Variants in CLEC16A observed in about 807,000 individuals in gnomAD.
CLEC16A encodes protein CLEC16A.
A neutral mutation model predicts 109.5 loss-of-function variants in CLEC16A; 51 were observed. That is an observed-to-expected ratio of 0.47 (90% confidence interval 0.37 to 0.59). The LOEUF is 0.59. CLEC16A is among the 20% of genes least tolerant of loss of function. CLEC16A has a pLI of 0.00. For missense variants in CLEC16A, 1,339 were observed against 1,394.0 expected (o/e 0.96, Z 0.63); for synonymous variants, 673 against 564.2 (o/e 1.19, Z -2.73).
rs201982739 is a variant in CLEC16A, at chr16:11,166,404, G to T, written c.2658G>T (p.Gln886His). The T allele has an allele frequency of 6.2e-7, 1 of 1,603,104 alleles. No individual in the cohort carries two copies. Among genetic ancestry groups the T allele is most frequent in the Non-Finnish European group, 8.5e-7 (1 of 1,178,626 alleles). The stretch of plus-strand genomic sequence containing the variant: ...GTCTTGCAGGCTTCGCCGTGGCCCA[G>T]TGCATAAACCAGCACAGCTCCCCGT... Reference protein sequence around the residue: ...VDKVPGFAVAQCINQHSSPSL... With the variant: ...VDKVPGFAVAHCINQHSSPSL... Residue 886 changes from glutamine (Q) to histidine (H), a missense_variant, in exon 23 of 24, where the codon CAG becomes CAT. Physicochemically the swap from Gln to His is conservative, Grantham distance 24. Coordinates refer to ENST00000409790, the MANE Select transcript of CLEC16A (RefSeq NM_015226.3).
chr16:10,996,475 C>T (rs2044334483), intron 10 of CLEC16A, among the ~76,000 whole-genome samples: 1 of 152,216 alleles, frequency 6.6e-6, no homozygotes, highest in African/African-American at 2.4e-5. Flanking sequence ...GAGCTGGCTC[C>T]TCCTGGGCTC....
At chr16:11,132,733 C>G (rs918012186) in intron 22 of CLEC16A, among the ~76,000 whole-genome samples, 1 of 152,130 alleles carries the variant, frequency 6.6e-6, no homozygotes, top group African/African-American at 2.4e-5. Context: ...AGGCACTTGG[C>G]CAGGGGGTGG....
intron 19 of CLEC16A, among the ~76,000 whole-genome samples, chr16:11,077,932 A>G (rs944002351): frequency 7.3e-5 from 11 of 151,376 alleles, no homozygotes; most frequent in African/African-American, 2.4e-4. Flanking sequence ...AGCCTGGCCA[A>G]CATGGTGAAA....
intron 11 of CLEC16A, among the ~76,000 whole-genome samples, chr16:11,008,186 C>G (rs181253708): frequency 5.3e-5 from 8 of 152,276 alleles, no homozygotes; most frequent in Admixed American, 3.9e-4. Flanking sequence ...GCATCTTTCC[C>G]CTTAGCCTTC....
intron 11 of CLEC16A, among the ~76,000 whole-genome samples, chr16:11,007,259 G>A (rs1037779053): frequency 6.6e-6 from 1 of 152,204 alleles, no homozygotes; most frequent in African/African-American, 2.4e-5. Flanking sequence ...CTTTGAACCT[G>A]CCAGGTTAGC....
intron 6 of CLEC16A, 59 bp from the exon 7 acceptor site, chr16:10,972,877 TAA>T: frequency 6.6e-7 from 1 of 1,507,370 alleles, no homozygotes; most frequent in Non-Finnish European, 8.9e-7. Flanking sequence ...GTTTTTTTTT[TAA>T]TCTTCCCCAA....
At chr16:11,147,204 C>G (rs2054099732) in intron 22 of CLEC16A, among the ~76,000 whole-genome samples, 2 of 152,150 alleles carry the variant, frequency 1.3e-5, no homozygotes, top group Admixed American at 6.5e-5. Flanking sequence ...TTTGGCTAGG[C>G]ACAGAATTCC....
At chr16:11,125,296 A>C (rs1258051391) in intron 21 of CLEC16A, among the ~76,000 whole-genome samples, 1 of 151,990 alleles carries the variant, frequency 6.6e-6, no homozygotes, top group African/African-American at 2.4e-5. Context: ...TTATTTTCAG[A>C]GAGTTTTTTT....
intron 22 of CLEC16A, chr16:11,136,384 G>A (rs2053564008): frequency 1.3e-5 from 2 of 152,176 alleles, no homozygotes; most frequent in South Asian, 2.1e-4. Flanking sequence ...GACATAAAAT[G>A]AGTTCATTCA....
Position 11,178,312 on chromosome 16 carries a change from C to A in CLEC16A, c.2807-23C>A. 6.3e-7 allele frequency: 1 copy of A among 1,582,686 alleles called. No individual in the cohort carries two copies. The highest frequency in any genetic ancestry group is 1.1e-5 in the South Asian group (1 of 87,750). On this transcript the variant is annotated intron_variant, in intron 23 of 23. Coordinates refer to ENST00000409790, the MANE Select transcript of CLEC16A (RefSeq NM_015226.3). The surrounding 1 kb of genome is among the most constrained non-coding windows in gnomAD (Gnocchi z 6.5). ...GGTGTCTCAAGGGCTCAGTGTGTTT[C>A]CGGTTTTTCTCCCCCAATCCAGATG...
chr16:11,138,549 G>A (rs1276100740), intron 22 of CLEC16A, among the ~76,000 whole-genome samples: 7 of 152,184 alleles, frequency 4.6e-5, no homozygotes, highest in Non-Finnish European at 1.0e-4. Context: ...GACACATTCT[G>A]GCCCCTTCAC....
At chr16:11,026,325 A>G (rs2046401119) in intron 13 of CLEC16A, among the ~76,000 whole-genome samples, 1 of 152,184 alleles carries the variant, frequency 6.6e-6, no homozygotes, top group South Asian at 2.1e-4. Flanking sequence ...TAACCACTCA[A>G]TTTCTTCAGT....
rs750419988 is a variant in CLEC16A, at chr16:11,166,466, G to T, written c.2720G>T (p.Ser907Ile). Residue 907 changes from serine to isoleucine, a missense_variant, in exon 23 of 24, where the codon AGC (serine) becomes ATC (isoleucine). This residue lies in a region of CLEC16A where 1,061 missense variants were observed against 1,006.8 expected (regional missense o/e 1.05). Coordinates refer to ENST00000409790, the MANE Select transcript of CLEC16A (RefSeq NM_015226.3). The stretch of plus-strand genomic sequence containing the variant: ...CAGTCGCCACCCTCCGCCAGCGGGA[G>T]CCCCAGCGGCAGCGGGAGCACCAGC... ...SSQSPPSASG[S>I]PSGSGSTSHC... is the part of the protein sequence containing the mutation. The T allele has an allele frequency of 1.4e-5, 23 of 1,608,376 alleles. No individual in the cohort carries two copies. Among genetic ancestry groups the T allele is most frequent in the Non-Finnish European group, 1.9e-5 (22 of 1,179,752 alleles).
At chr16:11,170,200 C>T (rs144201110) in intron 23 of CLEC16A, among the ~76,000 whole-genome samples, 16 of 152,306 alleles carry the variant, frequency 1.1e-4, no homozygotes, top group East Asian at 1.9e-4. Flanking sequence ...TTCCAACGTG[C>T]GTGGCTGCTC....
chr16:11,093,817 C>T (rs1379267080), intron 19 of CLEC16A, among the ~76,000 whole-genome samples: 1 of 152,154 alleles, frequency 6.6e-6, no homozygotes. Context: ...AAGCCCACTT[C>T]CATGGCACAG....
At chr16:11,028,748 C>T (rs1005503529) in intron 13 of CLEC16A, among the ~76,000 whole-genome samples, 1 of 152,152 alleles carries the variant, frequency 6.6e-6, no homozygotes, top group African/African-American at 2.4e-5. Context: ...GTTTCATTAT[C>T]AGAAAAATAT....
chr16:11,115,681 G>T (rs1651113825), intron 19 of CLEC16A, among the ~76,000 whole-genome samples: 1 of 151,862 alleles, frequency 6.6e-6, no homozygotes, highest in East Asian at 2.0e-4. Flanking sequence ...CCTGTTTTAA[G>T]TATTGAGTAA....
At chr16:11,074,882 T>C (rs934135247) in intron 19 of CLEC16A, among the ~76,000 whole-genome samples, 1 of 152,210 alleles carries the variant, frequency 6.6e-6, no homozygotes, top group Non-Finnish European at 1.5e-5. Context: ...ATTAAAATTA[T>C]TGTTTTTAAG....
chr16:11,138,559 C>T (rs1169579736), intron 22 of CLEC16A, among the ~76,000 whole-genome samples: 1 of 152,172 alleles, frequency 6.6e-6, no homozygotes, highest in Non-Finnish European at 1.5e-5. Context: ...GGCCCCTTCA[C>T]TGCATGCTCA....
Sources: allele counts gnomAD v4.1 joint callset (sites outside exome capture counted in the v4.1 genomes callset), GRCh38; gene constraint gnomAD v4.1.1; regional missense constraint gnomAD v4.1.1; non-coding constraint Gnocchi (gnomAD v3.1); transcripts MANE v1.5; gene names NCBI Gene and HGNC (gene_info 2026-07-23, HGNC 2026-07-21).